The following HTT variants were observed in gnomAD, a reference collection of about 807,000 sequenced individuals.
HTT encodes huntingtin, also known as huntington disease protein.
A neutral mutation model predicts 362.3 loss-of-function variants in HTT; 104 were observed. The ratio of observed to expected loss-of-function variants is 0.29; its 90% confidence interval spans 0.24 to 0.34. HTT has a LOEUF of 0.34. Among genes scored for constraint, HTT ranks in the 10% least tolerant of loss-of-function variants. HTT has a pLI of 1.00. For synonymous variants in HTT, 1,577 were observed against 1,548.7 expected, an observed-to-expected ratio of 1.02 and a Z score of -0.43; for missense variants, 3,301 against 3,928.6, an observed-to-expected ratio of 0.84 and a Z score of 4.27.
chr4:3,154,295 A>C lies in HTT; in HGVS notation c.3501A>C (p.Ala1167=). Reference sequence around the variant, plus strand: ...TTGTTTTTGTTTTTCTATTTTAGGCAGCCTTGCCTTCTCTAACAAACCCCC... The same window carrying C: ...TTGTTTTTGTTTTTCTATTTTAGGCCGCCTTGCCTTCTCTAACAAACCCCC... ...DDVAPGPAIK[A]ALPSLTNPPS... Residue 1167 remains alanine, a splice_region_variant and synonymous_variant, in exon 27 of 67, where the codon GCA becomes GCC. Transcript: ENST00000355072. 1 of 1,570,140 alleles carries C rather than the reference A, an allele frequency of 6.4e-7. No homozygotes were observed. The highest frequency in any genetic ancestry group is 8.6e-7 in the Non-Finnish European group (1 of 1,161,078).
chr4:3,126,387 G>A (rs868474379), intron 11 of HTT, among the ~76,000 whole-genome samples: 1 of 152,008 alleles, frequency 6.6e-6, no homozygotes, highest in African/African-American at 2.4e-5. Context: ...AATTCTCTGT[G>A]TACTTTATAA....
At chr4:3,077,844 AAGG>A (rs1712645659) in intron 1 of HTT, among the ~76,000 whole-genome samples, 1 of 151,554 alleles carries the variant, frequency 6.6e-6, no homozygotes, top group Non-Finnish European at 1.5e-5. Flanking sequence ...GCTGTTGAGA[AAGG>A]AGGTATTCAC....
At position 3,206,016 on chromosome 4, in the gene HTT, G is replaced by C. The variant is rs1002953382; in HGVS notation, c.5719-480G>C. Among the ~76,000 whole-genome samples, 3 of 152,202 alleles carry C rather than the reference G, an allele frequency of 2.0e-5. No homozygotes were observed. The highest frequency in any genetic ancestry group is 2.0e-4 in the Admixed American group (3 of 15,282). On this transcript the variant is annotated intron_variant, in intron 42 of 66. Transcript: ENST00000355072. The surrounding 1 kb of genome is among the most constrained non-coding windows in gnomAD (Gnocchi z 4.6). ...GATTCAACAGTTCTGTCAAAACTGT[G>C]GCAGTGATAGGGGATTCTTTTTTTC...
At position 3,217,767 on chromosome 4, in the gene HTT, C is replaced by G. The variant is rs1431076427; in HGVS notation, c.7057C>G (p.Pro2353Ala). The G allele has an allele frequency of 6.2e-7, 1 of 1,611,496 alleles. No homozygotes were observed. The highest frequency in any genetic ancestry group is 1.7e-5 in the Admixed American group (1 of 59,724). The change falls in exon 52 of 67, where the codon CCT becomes GCT. Residue 2353 changes from proline to alanine, a missense_variant and splice_region_variant. Physicochemically the swap from Pro to Ala is conservative, Grantham distance 27 (BLOSUM62 -1). Coordinates refer to ENST00000355072, the MANE Select transcript of HTT (RefSeq NM_001388492.1). ...TCTCTTAACCGTTGCTTGTTTAGAT[C>G]CTAAGTATATCACTGCAGCCTGTGA... ...EEEVDPNTQN[P>A]KYITAACEMV...
chr4:3,230,129 G>A (rs1396048434), intron 60 of HTT, 87 bp downstream of exon 60: 11 of 1,177,418 alleles, frequency 9.3e-6, no homozygotes, highest in Middle Eastern at 2.7e-4. Context: ...GAGGTGCCGG[G>A]TGCGGCTGCC....
At chr4:3,200,065 A>C in intron 41 of HTT, 126 bp downstream of exon 41, 1 of 720,744 alleles carries the variant, frequency 1.4e-6, no homozygotes, top group South Asian at 1.8e-5. Flanking sequence ...GGCTTGTGAA[A>C]TTTCTGCTGC....
chr4:3,163,326 G>A (rs1460202503), intron 29 of HTT, among the ~76,000 whole-genome samples: 4 of 152,176 alleles, frequency 2.6e-5, no homozygotes, highest in African/African-American at 9.7e-5. Context: ...GATTCAGTTT[G>A]CCAGTATTTT....
intron 29 of HTT, among the ~76,000 whole-genome samples, chr4:3,162,838 G>A (rs952077703): frequency 6.6e-6 from 1 of 152,106 alleles, no homozygotes; most frequent in African/African-American, 2.4e-5. Flanking sequence ...GAACCAATAG[G>A]GTTTTCTAAA....
At chr4:3,238,694 G>T in intron 65 of HTT, 85 bp downstream of exon 65, 1 of 1,483,582 alleles carries the variant, frequency 6.7e-7, no homozygotes, top group Non-Finnish European at 9.2e-7. Flanking sequence ...CGCCAGCAGA[G>T]CCCAGCTCCT....
At position 3,240,076 on chromosome 4, in the gene HTT, G is replaced by C. The variant is rs1721738068; in HGVS notation, c.*17G>C. ...ACCTGCTGAGCGCCATGGTGGGAGA[G>C]ACTGTGAGGCGGCAGCTGGGGCCGG... On this transcript the variant is annotated 3_prime_UTR_variant, in exon 67 of 67. Coordinates refer to ENST00000355072, the MANE Select transcript of HTT (RefSeq NM_001388492.1). 10 of 1,565,802 alleles carry C rather than the reference G, an allele frequency of 6.4e-6. No individual in the cohort carries two copies. The highest frequency in any genetic ancestry group is 8.7e-6 in the Non-Finnish European group (10 of 1,152,070).
At position 3,240,876 on chromosome 4, in the gene HTT, C is replaced by T. The variant is rs2110309958; in HGVS notation, c.*817C>T. 6.6e-6 allele frequency: 1 copy of T among 152,564 alleles called. No individual in the cohort carries two copies. The highest frequency in any genetic ancestry group is 3.4e-3 in the Middle Eastern group (1 of 296). The allele number at this position is 152,564 out of a possible 1,614,324, so 9.5% of individuals were successfully genotyped here. A position where few individuals can be genotyped will look rare whatever the true frequency, so the allele number is the denominator to read the frequency against. On this transcript the variant is annotated 3_prime_UTR_variant, in exon 67 of 67. Coordinates refer to ENST00000355072, the MANE Select transcript of HTT (RefSeq NM_001388492.1). ...AGAGGCGTTAGTGGGCAGGTGGCCA[C>T]AGCAGGACTGAGGACAGGCCCCCAT...
At chr4:3,224,919 G>A (rs1720838917) in intron 56 of HTT, among the ~76,000 whole-genome samples, 1 of 152,170 alleles carries the variant, frequency 6.6e-6, no homozygotes, top group South Asian at 2.1e-4. Context: ...GCAATGACCT[G>A]TCATAGAAGG....
intron 2 of HTT, among the ~76,000 whole-genome samples, chr4:3,095,080 C>G (rs540422598): frequency 9.9e-5 from 15 of 151,778 alleles, no homozygotes; most frequent in African/African-American, 2.7e-4. Flanking sequence ...ACATCCCAGA[C>G]GATGGGCGGC....
intron 57 of HTT, among the ~76,000 whole-genome samples, chr4:3,227,168 G>A (rs553769008): frequency 6.6e-6 from 1 of 152,314 alleles, no homozygotes; most frequent in South Asian, 2.1e-4. Context: ...TCCAGCGTCC[G>A]CAAACCAACT....
At chr4:3,184,844 G>A (rs762209015) in intron 37 of HTT, among the ~76,000 whole-genome samples, 2 of 152,146 alleles carry the variant, frequency 1.3e-5, no homozygotes, top group South Asian at 2.1e-4. Flanking sequence ...CTTGAATACC[G>A]AGCCTGCTGA....
At chr4:3,093,639 C>G (rs991434202) in intron 2 of HTT, among the ~76,000 whole-genome samples, 1 of 151,910 alleles carries the variant, frequency 6.6e-6, no homozygotes, top group African/African-American at 2.4e-5. Context: ...TGGGTAGGCA[C>G]TAAATGCAAT....
At chr4:3,132,398 C>G (rs1033639083) in intron 16 of HTT, among the ~76,000 whole-genome samples, 164 bp from the exon 17 acceptor site, 1 of 146,020 alleles carries the variant, frequency 6.8e-6, no homozygotes, top group Non-Finnish European at 1.5e-5. Flanking sequence ...AATCCTGAAA[C>G]TTTTTTTTTT....
intron 6 of HTT, among the ~76,000 whole-genome samples, chr4:3,109,445 G>A (rs1017353479): frequency 1.3e-5 from 2 of 151,986 alleles, no homozygotes; most frequent in African/African-American, 4.8e-5. Flanking sequence ...GGCTGGTCTC[G>A]AACTCCTGAC....
At chr4:3,165,335 C>G (rs1717648209) in intron 29 of HTT, among the ~76,000 whole-genome samples, 1 of 152,138 alleles carries the variant, frequency 6.6e-6, no homozygotes, top group African/African-American at 2.4e-5. Context: ...CGACCTTTCT[C>G]TCTGGCTGCC....
Sources: gnomAD v4.1 joint callset for allele counts (sites outside exome capture counted in the v4.1 genomes callset) on GRCh38, gnomAD v4.1.1 for gene constraint, Gnocchi (gnomAD v3.1) non-coding constraint, MANE v1.5 for transcripts, NCBI Gene and HGNC (gene_info 2026-07-23, HGNC 2026-07-21) for gene names.